The following DYNC2H1 variants were observed in gnomAD, a reference collection of about 807,000 sequenced individuals.
The protein encoded by DYNC2H1 is cytoplasmic dynein 2 heavy chain 1.
Under a neutral mutation model 570.0 loss-of-function variants are expected in DYNC2H1, and 410 were observed. The ratio of observed to expected loss-of-function variants is 0.72; its 90% CI spans 0.66 to 0.78. The LOEUF (loss-of-function observed/expected upper bound fraction) is 0.78, where lower values mean the gene tolerates loss of function less well. Among genes scored for constraint, DYNC2H1 ranks in the 30% least tolerant of loss-of-function variants. DYNC2H1 has a pLI of 0.00. For synonymous variants in DYNC2H1, 1,688 were observed against 1,677.6 expected, an observed-to-expected ratio of 1.01 and a Z score of -0.15; for missense variants, 4,865 against 5,046.4, an observed-to-expected ratio of 0.96 and a Z score of 1.09.
intron 82 of DYNC2H1, among the ~76,000 whole-genome samples, chr11:103,344,689 G>A (rs962450084): frequency 1.3e-5 from 2 of 151,986 alleles, no homozygotes; most frequent in Non-Finnish European, 2.9e-5. Context: ...TCCTTAACCT[G>A]CTTTGTTTTT....
At position 103,128,970 on chromosome 11, in the gene DYNC2H1, T is replaced by A; in HGVS notation, c.1918T>A (p.Leu640Ile). 4 of 1,605,314 alleles carry A rather than the reference T, an allele frequency of 2.5e-6. No individual in the cohort carries two copies. Among genetic ancestry groups the A allele is most frequent in the Non-Finnish European group, 3.4e-6 (4 of 1,176,790 alleles). The stretch of plus-strand genomic sequence containing the variant: ...GATTCAAAGTCAGAGGCCAATGATG[T>A]TACAATCTGCCTTAGCATTTGAACA... ...QMIQSQRPMM[L>I]QSALAFEQII... Residue 640 changes from leucine (L) to isoleucine (I), a missense_variant, in exon 13 of 89, where the codon TTA becomes ATA. Leu to Ile is a conservative substitution (Grantham distance 5). Coordinates refer to ENST00000375735, the MANE Select transcript of DYNC2H1 (RefSeq NM_001377.3).
rs1406760410 is a variant in DYNC2H1 at position 103,443,543 on chromosome 11, G to T, written c.12456+7511G>T. 2.0e-5 allele frequency among the ~76,000 whole-genome samples: 3 copies of T among 151,776 alleles called. 1 individual carries two copies. The South Asian group carries it at 6.2e-4, about 32-fold the overall frequency. On this transcript the variant is annotated intron_variant, in intron 85 of 88. Coordinates refer to ENST00000375735, the MANE Select transcript of DYNC2H1 (RefSeq NM_001377.3). ...AAATAATTTAAGAAAATATTTTTTA[G>T]TAATATATATTCTAGAAAGAATCTT...
rs1253819307 is a variant in DYNC2H1, at chr11:103,181,611, C to G, written c.6348-146C>G. The G allele has an allele frequency of 2.8e-6, 2 of 714,460 alleles. No individual in the cohort carries two copies. Among genetic ancestry groups the G allele is most frequent in the African/African-American group, 3.6e-5 (2 of 55,370 alleles). 44.3% of individuals were successfully genotyped at this position (714,460 alleles called of 1,614,324 possible). ...GATGTAATTGTATTATTCACACATA[C>G]TCATAGTAAAGTAACTAAAGCCACC... is the stretch of plus-strand genomic sequence containing the variant. On this transcript the variant is annotated intron_variant, in intron 39 of 88. Coordinates refer to ENST00000375735, the MANE Select transcript of DYNC2H1 (RefSeq NM_001377.3). This position sits in a 1 kb window ranked among gnomAD's most constrained non-coding sequence, Gnocchi z 5.0.
At chr11:103,310,220 TTTC>T (rs1394536836) in intron 78 of DYNC2H1, among the ~76,000 whole-genome samples, 5 of 152,042 alleles carry the variant, frequency 3.3e-5, no homozygotes, top group Admixed American at 1.3e-4. Flanking sequence ...TTCACCGAAT[TTTC>T]TTCTTTTTTC....
chr11:103,125,761 A>G (rs1343702012), intron 12 of DYNC2H1, among the ~76,000 whole-genome samples: 1 of 152,206 alleles, frequency 6.6e-6, no homozygotes, highest in African/African-American at 2.4e-5. Context: ...AACATGGCAT[A>G]CAAGGCCCTT....
intron 69 of DYNC2H1, 100 bp downstream of exon 69, chr11:103,257,851 T>G (rs1865125745): frequency 8.3e-7 from 1 of 1,202,054 alleles, no homozygotes; most frequent in Non-Finnish European, 1.1e-6. Flanking sequence ...CAAACTTTCA[T>G]AGAATTATGT....
rs1861509354 is a variant in DYNC2H1, at chr11:103,170,112, A to G, written c.4973A>G (p.Asn1658Ser). The G allele has an allele frequency of 1.2e-6, 2 of 1,610,238 alleles. No homozygotes were observed. The highest frequency in any genetic ancestry group is 1.7e-6 in the Non-Finnish European group (2 of 1,178,274). The change falls in exon 33 of 89, where the codon AAT becomes AGT. Residue 1658 changes from asparagine (N) to serine (S), a missense_variant. Transcript: ENST00000375735. This position sits in a 1 kb window ranked among gnomAD's most constrained non-coding sequence, Gnocchi z 4.8. ...EFQYTYEYQGNASKLVYTPLT... is the reference protein window; with the variant it reads ...EFQYTYEYQGSASKLVYTPLT... ...CTTTGTGTTGTTCTTGTATAGGGTAATGCTTCCAAACTGGTTTATACTCCA... is the reference window on the plus strand; with the variant it reads ...CTTTGTGTTGTTCTTGTATAGGGTAGTGCTTCCAAACTGGTTTATACTCCA...
chr11:103,448,324 G>T (rs576108077), intron 85 of DYNC2H1, among the ~76,000 whole-genome samples: 4 of 152,230 alleles, frequency 2.6e-5, no homozygotes, highest in Admixed American at 2.6e-4. Flanking sequence ...ATAAATTAGT[G>T]TGTGGAGAGA....
intron 73 of DYNC2H1, 63 bp downstream of exon 73, chr11:103,283,148 T>C: frequency 7.6e-7 from 1 of 1,314,596 alleles, no homozygotes; most frequent in Non-Finnish European, 1.1e-6. Context: ...TTTCTGTTGA[T>C]ACTTTGTGCT....
chr11:103,188,194 T>C (rs1862152405), intron 43 of DYNC2H1, among the ~76,000 whole-genome samples: 1 of 152,132 alleles, frequency 6.6e-6, no homozygotes, highest in Non-Finnish European at 1.5e-5. Flanking sequence ...ATATTTTTCC[T>C]GATACTTTCA....
intron 75 of DYNC2H1, among the ~76,000 whole-genome samples, chr11:103,292,933 A>G (rs1866672268): frequency 6.6e-6 from 1 of 152,230 alleles, no homozygotes; most frequent in Non-Finnish European, 1.5e-5. Context: ...ATTTCTTTAT[A>G]GCGACACAGG....
At chr11:103,377,135 T>C (rs890370443) in intron 83 of DYNC2H1, among the ~76,000 whole-genome samples, 1 of 152,204 alleles carries the variant, frequency 6.6e-6, no homozygotes, top group African/African-American at 2.4e-5. Flanking sequence ...GCTTCTTGCA[T>C]CTGGATGTTC....
intron 69 of DYNC2H1, 113 bp downstream of exon 69, chr11:103,257,864 C>G (rs1265740391): frequency 9.0e-7 from 1 of 1,114,302 alleles, no homozygotes; most frequent in East Asian, 3.0e-5. Context: ...AATTATGTTC[C>G]AAAAGACCAC....
chr11:103,127,736 C>T (rs1292896045), intron 12 of DYNC2H1, among the ~76,000 whole-genome samples: 1 of 152,340 alleles, frequency 6.6e-6, no homozygotes, highest in East Asian at 1.9e-4. Context: ...TTGTCCAACA[C>T]TGTTCCTTGT....
At position 103,321,103 on chromosome 11, in the gene DYNC2H1, T is replaced by A. The variant is rs1331076422; in HGVS notation, c.11800T>A (p.Tyr3934Asn). 1 of 1,612,796 alleles carries A rather than the reference T, an allele frequency of 6.2e-7. No homozygotes were observed. Among genetic ancestry groups the A allele is most frequent in the African/African-American group, 1.3e-5 (1 of 75,032 alleles). Residue 3934 changes from tyrosine to asparagine, a missense_variant, in exon 81 of 89, where the codon TAT becomes AAT. Tyr to Asn is a moderately radical substitution (Grantham distance 143). Coordinates refer to ENST00000375735, the MANE Select transcript of DYNC2H1 (RefSeq NM_001377.3). ...NAIYGGRIDNYFDLRVLQSYL... is the reference protein window; with the variant it reads ...NAIYGGRIDNNFDLRVLQSYL... ...TATTTATGGAGGACGTATAGACAAC[T>A]ATTTTGACCTTAGAGTTCTTCAGTC...
At chr11:103,349,194 T>A (rs1031561769) in intron 82 of DYNC2H1, among the ~76,000 whole-genome samples, 1 of 152,138 alleles carries the variant, frequency 6.6e-6, no homozygotes, top group East Asian at 1.9e-4. Context: ...ACCAAATACC[T>A]AGTAGTGGAA....
intron 84 of DYNC2H1, among the ~76,000 whole-genome samples, chr11:103,401,548 A>G (rs1942642461): frequency 6.6e-6 from 1 of 152,148 alleles, no homozygotes; most frequent in African/African-American, 2.4e-5. Flanking sequence ...ATAGAGCAAA[A>G]TGGCTAAGAA....
chr11:103,335,952 T>C (rs894297315), intron 82 of DYNC2H1, among the ~76,000 whole-genome samples: 2 of 152,150 alleles, frequency 1.3e-5, no homozygotes, highest in Non-Finnish European at 2.9e-5. Context: ...GTTACTAAAC[T>C]AGAACTTAAA....
intron 48 of DYNC2H1, among the ~76,000 whole-genome samples, 178 bp downstream of exon 48, chr11:103,198,241 T>C (rs190664412): frequency 8.0e-4 from 122 of 152,326 alleles, no homozygotes; most frequent in Non-Finnish European, 2.5e-4. Flanking sequence ...TGTACTTACA[T>C]AGATATGTGT....
Sources: gnomAD v4.1 joint callset for allele counts (sites outside exome capture counted in the v4.1 genomes callset) on GRCh38, gnomAD v4.1.1 for gene constraint, Gnocchi (gnomAD v3.1) non-coding constraint, MANE v1.5 for transcripts, NCBI Gene and HGNC (gene_info 2026-07-23, HGNC 2026-07-21) for gene names.